Variants in RNF13 observed in about 807,000 individuals in gnomAD.
RNF13 encodes E3 ubiquitin-protein ligase RNF13.
In RNF13, 19 loss-of-function variants were observed where a neutral mutation model predicts 37.7. That is an observed-to-expected ratio of 0.50 (90% CI 0.35 to 0.74). The LOEUF (loss-of-function observed/expected upper bound fraction) is 0.74, where lower values mean the gene tolerates loss of function less well. RNF13 is among the 30% of genes least tolerant of loss of function. The pLI is 0.01. For missense variants in RNF13, 375 were observed against 453.0 expected, an observed-to-expected ratio of 0.83 and a Z score of 1.56; for synonymous variants, 144 against 157.8, an observed-to-expected ratio of 0.91 and a Z score of 0.65.
intron 6 of RNF13, among the ~76,000 whole-genome samples, chr3:149,909,566 T>C (rs1438619525): frequency 6.6e-6 from 1 of 152,028 alleles, no homozygotes; most frequent in Non-Finnish European, 1.5e-5. Flanking sequence ...GTGCTGGGAT[T>C]ACAGGCAAGA....
At chr3:149,906,054 G>A (rs1282546647) in intron 6 of RNF13, among the ~76,000 whole-genome samples, 1 of 151,936 alleles carries the variant, frequency 6.6e-6, no homozygotes, top group Non-Finnish European at 1.5e-5. Context: ...TTATGGATTT[G>A]TCTATTCTGG....
chr3:149,854,147 G>C (rs1056348204), intron 3 of RNF13, among the ~76,000 whole-genome samples: 2 of 151,840 alleles, frequency 1.3e-5, no homozygotes, highest in Non-Finnish European at 1.5e-5. Context: ...GAATTTCTTA[G>C]TAAGATACCA....
chr3:149,817,331 T>TG (rs999181187), intron 1 of RNF13: 1 of 152,112 alleles, frequency 6.6e-6, no homozygotes, highest in Non-Finnish European at 1.5e-5. Context: ...GGTAAGGTAG[T>TG]GGGGAGGAAA....
intron 5 of RNF13, among the ~76,000 whole-genome samples, chr3:149,897,544 A>T (rs1576841200): frequency 6.6e-6 from 1 of 152,198 alleles, no homozygotes; most frequent in East Asian, 1.9e-4. Flanking sequence ...TGCCATGGAA[A>T]TGTTTCAACT....
chr3:149,940,970 A>G lies in RNF13; in HGVS notation c.701-19086A>G, dbSNP rs1359817427. 2.0e-5 allele frequency among the ~76,000 whole-genome samples: 3 copies of G among 152,166 alleles called. No homozygotes were observed. In the East Asian group the frequency reaches 5.8e-4, roughly 29 times the overall value. Reference sequence around the variant, plus strand: ...GTATTTGTCCTTTTGCAACTGGCATATTTTGCTTAGCATAATGCCCTCACG... The same window carrying G: ...GTATTTGTCCTTTTGCAACTGGCATGTTTTGCTTAGCATAATGCCCTCACG... On this transcript the variant is annotated intron_variant, in intron 8 of 9. Transcript: ENST00000392894.
At chr3:149,834,126 A>G (rs922617762) in intron 1 of RNF13, among the ~76,000 whole-genome samples, 1 of 152,250 alleles carries the variant, frequency 6.6e-6, no homozygotes, top group African/African-American at 2.4e-5. Context: ...TAAATAAATG[A>G]ATAGACATTC....
intron 8 of RNF13, among the ~76,000 whole-genome samples, chr3:149,947,689 C>T (rs144655051): frequency 8.7e-4 from 133 of 152,198 alleles, no homozygotes; most frequent in African/African-American, 2.7e-3. Context: ...CGTGAGCCAC[C>T]GCACCTGGCC....
At chr3:149,908,533 G>C (rs2108512473) in intron 6 of RNF13, among the ~76,000 whole-genome samples, 1 of 152,318 alleles carries the variant, frequency 6.6e-6, no homozygotes, top group East Asian at 1.9e-4. Context: ...AGACAGAGCA[G>C]TGCACTGGCA....
chr3:149,916,401 A>G (rs934761558), intron 7 of RNF13, among the ~76,000 whole-genome samples: 1 of 152,180 alleles, frequency 6.6e-6, no homozygotes, highest in African/African-American at 2.4e-5. Context: ...TAGTCTTTCA[A>G]AGAAGTAGGC....
intron 3 of RNF13, among the ~76,000 whole-genome samples, chr3:149,868,629 T>G (rs950654558): frequency 6.6e-6 from 1 of 151,116 alleles, no homozygotes; most frequent in African/African-American, 2.4e-5. Flanking sequence ...CCCTTTCTGT[T>G]CTTTCCTTTC....
chr3:149,936,955 C>T (rs544863155), intron 8 of RNF13, among the ~76,000 whole-genome samples: 6 of 152,220 alleles, frequency 3.9e-5, no homozygotes, highest in Admixed American at 6.5e-5. Flanking sequence ...CACAAACGTT[C>T]GGCGCACTGA....
intron 4 of RNF13, among the ~76,000 whole-genome samples, chr3:149,880,468 T>C (rs1559925853): frequency 6.6e-6 from 1 of 152,166 alleles, no homozygotes; most frequent in Admixed American, 6.5e-5. Context: ...TTTTAACTAG[T>C]ATAGTTTATT....
chr3:149,841,459 T>C (rs1011384784), intron 1 of RNF13, among the ~76,000 whole-genome samples: 3 of 152,210 alleles, frequency 2.0e-5, no homozygotes, highest in Non-Finnish European at 2.9e-5. Context: ...CCAAATTCTC[T>C]TTTGAAGATA....
chr3:149,882,949 A>T (rs1713592028), intron 4 of RNF13, among the ~76,000 whole-genome samples: 1 of 152,184 alleles, frequency 6.6e-6, no homozygotes, highest in African/African-American at 2.4e-5. Context: ...ATCCATTGTT[A>T]GTAACTACCA....
chr3:149,884,808 A>G (rs151268194), intron 4 of RNF13, among the ~76,000 whole-genome samples: 34 of 151,944 alleles, frequency 2.2e-4, no homozygotes, highest in African/African-American at 7.7e-4. Flanking sequence ...TATTAACTAT[A>G]GTAACCCTGT....
intron 8 of RNF13, among the ~76,000 whole-genome samples, chr3:149,929,219 A>T (rs1344394589): frequency 2.6e-5 from 4 of 152,212 alleles, no homozygotes. Flanking sequence ...GGAAACTTCT[A>T]ATCATGGTGG....
At chr3:149,866,623 C>T (rs1261924859) in intron 3 of RNF13, among the ~76,000 whole-genome samples, 1 of 152,206 alleles carries the variant, frequency 6.6e-6, no homozygotes, top group African/African-American at 2.4e-5. Context: ...TTTTACCCAG[C>T]TCCTATTCAA....
intron 6 of RNF13, among the ~76,000 whole-genome samples, chr3:149,903,342 AAG>A (rs753550679): frequency 2.8e-4 from 42 of 152,166 alleles, no homozygotes; most frequent in Admixed American, 9.2e-4. Context: ...ATGTATTTTA[AAG>A]AGTATTTTTT....
intron 8 of RNF13, among the ~76,000 whole-genome samples, chr3:149,952,615 T>C (rs1298317980): frequency 1.3e-5 from 2 of 152,106 alleles, no homozygotes; most frequent in Non-Finnish European, 2.9e-5. Context: ...CTTTTTTTTT[T>C]TGAGATGGAG....
Sources: gnomAD v4.1 joint callset for allele counts (sites outside exome capture counted in the v4.1 genomes callset) on GRCh38, gnomAD v4.1.1 for gene constraint, MANE v1.5 for transcripts, NCBI Gene and HGNC (gene_info 2026-07-23, HGNC 2026-07-21) for gene names.